Variants in ZNF385B observed in about 807,000 individuals in gnomAD.
The protein encoded by ZNF385B is zinc finger protein 385B.
ZNF385B carries 23 observed loss-of-function variants against 39.2 expected under a neutral mutation model. The ratio of observed to expected loss-of-function variants is 0.59; its 90% CI spans 0.42 to 0.83. The LOEUF (loss-of-function observed/expected upper bound fraction) is 0.83, where lower values mean the gene tolerates loss of function less well. ZNF385B is among the 40% of genes least tolerant of loss of function. ZNF385B has a pLI of 0.00. For missense variants in ZNF385B, 552 were observed against 598.9 expected (o/e 0.92, Z 0.82); for synonymous variants, 205 against 222.6 (o/e 0.92, Z 0.70).
chr2:179,819,153 AT>A (rs1383361287), intron 1 of ZNF385B, among the ~76,000 whole-genome samples: 2 of 151,920 alleles, frequency 1.3e-5, no homozygotes, highest in African/African-American at 2.4e-5. Context: ...CCGAGTATCC[AT>A]TTGCTAACAG....
intron 1 of ZNF385B, among the ~76,000 whole-genome samples, chr2:179,771,210 C>T (rs1703989518): frequency 6.6e-6 from 1 of 152,032 alleles, no homozygotes; most frequent in African/African-American, 2.4e-5. Context: ...CCTTTTGATC[C>T]AAGTTGTCTC....
chr2:179,689,641 T>C (rs1287749820), intron 3 of ZNF385B, among the ~76,000 whole-genome samples: 1 of 152,092 alleles, frequency 6.6e-6, no homozygotes, highest in Non-Finnish European at 1.5e-5. Context: ...GATCGAATAT[T>C]CCCCATTCCT....
intron 3 of ZNF385B, among the ~76,000 whole-genome samples, chr2:179,684,673 T>C (rs988426484): frequency 6.6e-6 from 1 of 152,320 alleles, no homozygotes; most frequent in South Asian, 2.1e-4. Context: ...AGACAACTAA[T>C]CAATATTCCT....
At chr2:179,592,727 A>T (rs1434421225) in intron 3 of ZNF385B, among the ~76,000 whole-genome samples, 1 of 152,238 alleles carries the variant, frequency 6.6e-6, no homozygotes, top group Non-Finnish European at 1.5e-5. Context: ...TAACAAGATT[A>T]AAAAAATTAA....
chr2:179,610,272 T>C (rs576409866), intron 3 of ZNF385B, among the ~76,000 whole-genome samples: 2 of 152,334 alleles, frequency 1.3e-5, no homozygotes, highest in African/African-American at 2.4e-5. Flanking sequence ...CTTCTGCATA[T>C]GTATATTCAA....
intron 3 of ZNF385B, among the ~76,000 whole-genome samples, chr2:179,654,987 A>T (rs1693588361): frequency 6.6e-6 from 1 of 152,140 alleles, no homozygotes; most frequent in Non-Finnish European, 1.5e-5. Flanking sequence ...TTTATTCCAA[A>T]TGAGGCTCTT....
In ZNF385B at chr2:179,445,696, T is replaced by C; in HGVS notation, c.994A>G (p.Asn332Asp). Reference protein sequence around the residue: ...SKHKTMVEARNGAGPIKSYPR... With the variant: ...SKHKTMVEARDGAGPIKSYPR... ...TAGGATTTAATTGGACCAGCCCCAT[T>C]ACGAGCTTCAACCATGGTCTTGTGT... Residue 332 changes from asparagine to aspartate, a missense_variant, in exon 8 of 10, where the codon AAT becomes GAT. Physicochemically the swap from Asn to Asp is conservative, Grantham distance 23. Transcript: ENST00000410066. 2 of 1,612,896 alleles carry C rather than the reference T, an allele frequency of 1.2e-6. No individual in the cohort carries two copies. Among genetic ancestry groups the C allele is most frequent in the Non-Finnish European group, 1.7e-6 (2 of 1,179,526 alleles).
intron 1 of ZNF385B, among the ~76,000 whole-genome samples, chr2:179,773,384 T>C (rs908367348): frequency 2.0e-5 from 3 of 152,196 alleles, no homozygotes; most frequent in Non-Finnish European, 2.9e-5. Context: ...CAACTTGGCT[T>C]GCAACTCCTT....
At chr2:179,758,810 CCTGCAG>C (rs1703197405) in intron 3 of ZNF385B, among the ~76,000 whole-genome samples, 1 of 152,356 alleles carries the variant, frequency 6.6e-6, no homozygotes, top group African/African-American at 2.4e-5. Context: ...TCTGTAGCAG[CCTGCAG>C]CTCCACGGGT....
intron 3 of ZNF385B, among the ~76,000 whole-genome samples, chr2:179,618,130 C>A (rs1050440430): frequency 2.0e-5 from 3 of 152,120 alleles, no homozygotes; most frequent in Non-Finnish European, 4.4e-5. Flanking sequence ...AGAAAATGAT[C>A]ACTCTTATAC....
chr2:179,713,120 G>A (rs1559120409), intron 3 of ZNF385B, among the ~76,000 whole-genome samples: 1 of 152,136 alleles, frequency 6.6e-6, no homozygotes, highest in Non-Finnish European at 1.5e-5. Flanking sequence ...AGGTAGTCTA[G>A]GCTAAGATAT....
At chr2:179,473,145 C>T (rs939038047) in intron 6 of ZNF385B, among the ~76,000 whole-genome samples, 3 of 152,176 alleles carry the variant, frequency 2.0e-5, no homozygotes, top group Admixed American at 2.0e-4. Context: ...AGAAAGACAT[C>T]TCCACCATTT....
intron 1 of ZNF385B, among the ~76,000 whole-genome samples, chr2:179,771,363 T>A (rs1269108835): frequency 3.3e-5 from 5 of 152,200 alleles, no homozygotes; most frequent in Non-Finnish European, 5.9e-5. Context: ...AATCTCCTTG[T>A]TTATACCCAT....
chr2:179,668,627 T>C (rs1575156101), intron 3 of ZNF385B, among the ~76,000 whole-genome samples: 1 of 151,662 alleles, frequency 6.6e-6, no homozygotes, highest in East Asian at 1.9e-4. Flanking sequence ...CCTTTCTTTT[T>C]TTTTTTTTTT....
chr2:179,803,334 C>A (rs1706149977), intron 1 of ZNF385B, among the ~76,000 whole-genome samples: 1 of 151,986 alleles, frequency 6.6e-6, no homozygotes, highest in Non-Finnish European at 1.5e-5. Context: ...AAAAAACAGA[C>A]AAAGTAATCA....
At chr2:179,775,823 T>C (rs542043376) in intron 1 of ZNF385B, among the ~76,000 whole-genome samples, 12 of 152,378 alleles carry the variant, frequency 7.9e-5, no homozygotes, top group Middle Eastern at 3.4e-3. Flanking sequence ...TTAAACTGCT[T>C]TCCACAATCA....
At chr2:179,670,067 G>A (rs1180193382) in intron 3 of ZNF385B, among the ~76,000 whole-genome samples, 5 of 151,970 alleles carry the variant, frequency 3.3e-5, no homozygotes, top group African/African-American at 9.6e-5. Flanking sequence ...CGAGGCGGGC[G>A]GATCACGAGG....
chr2:179,692,776 A>T (rs1487170133), intron 3 of ZNF385B, among the ~76,000 whole-genome samples: 1 of 152,124 alleles, frequency 6.6e-6, no homozygotes, highest in African/African-American at 2.4e-5. Flanking sequence ...TTTTGCAGGG[A>T]TTCTGACTCA....
chr2:179,591,415 T>C (rs543103023), intron 3 of ZNF385B, among the ~76,000 whole-genome samples: 27 of 152,258 alleles, frequency 1.8e-4, no homozygotes, highest in African/African-American at 6.3e-4. Flanking sequence ...GGGCTTTGGG[T>C]ATATGACTCC....
Sources: gnomAD v4.1 joint callset for allele counts (sites outside exome capture counted in the v4.1 genomes callset) on GRCh38, gnomAD v4.1.1 for gene constraint, MANE v1.5 for transcripts, NCBI Gene and HGNC (gene_info 2026-07-23, HGNC 2026-07-21) for gene names.